Variants in C1QTNF3 observed in about 807,000 individuals in gnomAD.
The protein encoded by C1QTNF3 is complement C1q tumor necrosis factor-related protein 3.
Under a neutral mutation model 32.6 loss-of-function variants are expected in C1QTNF3, and 26 were observed. That is an observed-to-expected ratio of 0.80 (90% CI 0.58 to 1.11). C1QTNF3 has a LOEUF of 1.11. C1QTNF3 is among the 50% of genes least tolerant of loss of function. The pLI, the probability that C1QTNF3 is intolerant of heterozygous loss-of-function variation, is 0.00. For missense variants in C1QTNF3, 362 were observed against 398.2 expected, an observed-to-expected ratio of 0.91 and a Z score of 0.77; for synonymous variants, 155 against 146.0, an observed-to-expected ratio of 1.06 and a Z score of -0.44.
the C1QTNF3 span, among the ~76,000 whole-genome samples, chr5:34,233,655 A>G: frequency 6.6e-6 from 1 of 151,934 alleles, no homozygotes; most frequent in Non-Finnish European, 1.5e-5. Context: ...AGCCCCTTTT[A>G]CCAGATAAAG....
At chr5:34,203,642 C>T in the C1QTNF3 span, among the ~76,000 whole-genome samples, 5 of 150,598 alleles carry the variant, frequency 3.3e-5, no homozygotes, top group South Asian at 2.1e-4. Context: ...GCCAAGATTG[C>T]GCCACTGCAC....
At chr5:34,033,279 A>G (rs1754661300) in intron 3 of C1QTNF3, 25 bp downstream of exon 3, 1 of 1,607,564 alleles carries the variant, frequency 6.2e-7, no homozygotes, top group East Asian at 2.2e-5. Context: ...GAAAGCCACC[A>G]GGAGATGTAC....
At chr5:34,041,992 G>A (rs299615) in intron 1 of C1QTNF3, among the ~76,000 whole-genome samples, 25,213 of 147,150 alleles carry the variant, frequency 0.17, 2,214 homozygotes, top group South Asian at 0.3. Flanking sequence ...TGCCCCCTCT[G>A]ACAGTTTTCA....
intron 5 of C1QTNF3, 63 bp from the exon 6 acceptor site, chr5:34,020,805 A>C: frequency 6.6e-7 from 1 of 1,522,014 alleles, no homozygotes. Context: ...TCTTCACCAA[A>C]GTCTGTGCTC....
At chr5:34,115,347 G>T in the C1QTNF3 span, among the ~76,000 whole-genome samples, 3 of 152,104 alleles carry the variant, frequency 2.0e-5, no homozygotes, top group Non-Finnish European at 4.4e-5. Flanking sequence ...TGCTTGGTGA[G>T]AGACACAATT....
intron 3 of C1QTNF3, among the ~76,000 whole-genome samples, chr5:34,029,866 T>C (rs112662876): frequency 2.7e-4 from 41 of 152,356 alleles, no homozygotes; most frequent in East Asian, 3.9e-4. Context: ...AGTAATAATA[T>C]GTATATATGT....
intron 4 of C1QTNF3, among the ~76,000 whole-genome samples, chr5:34,027,201 T>C (rs1754484123): frequency 6.6e-6 from 1 of 152,224 alleles, no homozygotes. Context: ...TTTCTATTTA[T>C]CAACTATCCA....
the C1QTNF3 span, among the ~76,000 whole-genome samples, chr5:34,242,194 G>A: frequency 2.6e-5 from 4 of 152,070 alleles, no homozygotes; most frequent in Non-Finnish European, 4.4e-5. Flanking sequence ...ACCCCCAAAA[G>A]CCAGAATGGC....
At chr5:34,172,436 T>TGGGAGGGGG in the C1QTNF3 span, among the ~76,000 whole-genome samples, 1 of 5,920 alleles carries the variant, frequency 1.7e-4, no homozygotes, top group South Asian at 4.2e-3. Context: ...TACCCGGGGT[T>TGGGAGGGGG]GGGCGGGGGG....
At position 34,043,096 on chromosome 5, in the gene C1QTNF3, T is replaced by C; in HGVS notation, c.30A>G (p.Gln10=). 1 of 1,613,490 alleles carries C rather than the reference T, an allele frequency of 6.2e-7. No individual in the cohort carries two copies. The highest frequency in any genetic ancestry group is 2.2e-5 in the East Asian group (1 of 44,878). The change falls in exon 1 of 6, where the codon CAA becomes CAG. Residue 10 remains glutamine (Q), a synonymous_variant. Transcript: ENST00000382065. The stretch of plus-strand genomic sequence containing the variant: ...AAGGGAGGAAAAACAAAGCCAGCAG[T>C]TGCCAATAGATGAGCTGCCTCCAAA... MLWRQLIYW[Q]LLALFFLPFC... is the part of the protein sequence containing the mutation.
the C1QTNF3 span, chr5:34,200,697 CCTT>C: frequency 6.6e-6 from 1 of 152,102 alleles, no homozygotes. Flanking sequence ...CTCTACTTGT[CCTT>C]CTAGTTTTAT....
At chr5:34,217,906 CT>C in the C1QTNF3 span, among the ~76,000 whole-genome samples, 3 of 152,078 alleles carry the variant, frequency 2.0e-5, no homozygotes, top group Non-Finnish European at 4.4e-5. Context: ...ATAAACTCCT[CT>C]AACAGTGACC....
chr5:34,045,119 T>C (rs1276695508), upstream of C1QTNF3, among the ~76,000 whole-genome samples: 3 of 152,212 alleles, frequency 2.0e-5, no homozygotes, highest in African/African-American at 7.2e-5. Context: ...CTCTGAAATC[T>C]AGGTCACCCA....
chr5:34,020,330 A>G lies in C1QTNF3; in HGVS notation c.*253T>C, dbSNP rs1261687301. 2.7e-6 allele frequency: 1 copy of G among 365,242 alleles called. No homozygotes were observed. The highest frequency in any genetic ancestry group is 2.1e-5 in the African/African-American group (1 of 48,236). 22.6% of individuals were successfully genotyped at this position (365,242 alleles called of 1,614,324 possible). Reference sequence around the variant, plus strand: ...CTGCGTCAGAGGAGAATTATCTTTTAGGTGCCAAGGAAAGAGTGATAAAGA... The same window carrying G: ...CTGCGTCAGAGGAGAATTATCTTTTGGGTGCCAAGGAAAGAGTGATAAAGA... On this transcript the variant is annotated 3_prime_UTR_variant, in exon 6 of 6. Transcript: ENST00000382065.
the C1QTNF3 span, among the ~76,000 whole-genome samples, chr5:34,219,029 T>C: frequency 6.6e-6 from 1 of 152,130 alleles, no homozygotes; most frequent in Non-Finnish European, 1.5e-5. Flanking sequence ...ATTATGAAGA[T>C]GTTTTGCACA....
chr5:34,031,983 G>A (rs1237739127), intron 3 of C1QTNF3, among the ~76,000 whole-genome samples: 1 of 152,192 alleles, frequency 6.6e-6, no homozygotes, highest in Non-Finnish European at 1.5e-5. Flanking sequence ...ATGAAAGACA[G>A]TTTCCCCCTA....
chr5:34,059,255 T>C, the C1QTNF3 span, among the ~76,000 whole-genome samples: 1 of 152,164 alleles, frequency 6.6e-6, no homozygotes, highest in Admixed American at 6.5e-5. Context: ...TGGTCGTCCA[T>C]GTGTGCACGT....
chr5:34,138,725 G>T, the C1QTNF3 span, among the ~76,000 whole-genome samples: 12 of 152,056 alleles, frequency 7.9e-5, no homozygotes, highest in African/African-American at 2.9e-4. Context: ...TAATCAATTT[G>T]ATTTTATTTT....
chr5:34,075,007 A>C, the C1QTNF3 span, among the ~76,000 whole-genome samples: 1 of 151,806 alleles, frequency 6.6e-6, no homozygotes, highest in African/African-American at 2.4e-5. Flanking sequence ...TTCAATTTAA[A>C]CCTGTACATA....
Sources: gnomAD v4.1 joint callset for allele counts (sites outside exome capture counted in the v4.1 genomes callset) on GRCh38, gnomAD v4.1.1 for gene constraint, MANE v1.5 for transcripts, NCBI Gene and HGNC (gene_info 2026-07-23, HGNC 2026-07-21) for gene names.